Variants in DENND3 observed in about 807,000 individuals in gnomAD.
The protein encoded by DENND3 is DENN domain containing 3.
A neutral mutation model predicts 135.1 loss-of-function variants in DENND3; 88 were observed. The ratio of observed to expected loss-of-function variants is 0.65; its 90% CI spans 0.55 to 0.78. The LOEUF (loss-of-function observed/expected upper bound fraction) is 0.78. Among genes scored for constraint, DENND3 ranks in the 30% least tolerant of loss-of-function variants. The pLI, the probability that DENND3 is intolerant of heterozygous loss-of-function variation, is 0.00. For missense variants in DENND3, 1,392 were observed against 1,688.4 expected, an observed-to-expected ratio of 0.82 and a Z score of 3.08; for synonymous variants, 693 against 712.3, an observed-to-expected ratio of 0.97 and a Z score of 0.43.
Position 141,167,854 on chromosome 8 carries a change from G to C in DENND3, c.1754-150G>C. ...TTCTCTCATGCCTCCCAGGGGGGTG[G>C]GTGTGTGGAGCTTTCTGGAGGGAGC... On this transcript the variant is annotated intron_variant, in intron 12 of 22. Transcript: ENST00000519811. This position sits in a 1 kb window ranked among gnomAD's most constrained non-coding sequence, Gnocchi z 4.1. 1 of 1,086,742 alleles carries C rather than the reference G, an allele frequency of 9.2e-7. No individual in the cohort carries two copies. The highest frequency in any genetic ancestry group is 1.3e-6 in the Non-Finnish European group (1 of 763,442). 67.3% of individuals were successfully genotyped at this position (1,086,742 alleles called of 1,614,324 possible). A position where few individuals can be genotyped will look rare whatever the true frequency, so the allele number is the denominator to read the frequency against.
Position 141,182,192 on chromosome 8 carries a change from C to T in DENND3, c.2944+1338C>T. ...GATGCAGATGTAGGTGTCACCCCCT[C>T]TCACAGGCCATGTCCGCGGCTTCAC... is the stretch of plus-strand genomic sequence containing the variant. On this transcript the variant is annotated intron_variant, in intron 17 of 22. Coordinates refer to ENST00000519811, the MANE Select transcript of DENND3 (RefSeq NM_001352890.3). The surrounding 1 kb of genome is among the most constrained non-coding windows in gnomAD (Gnocchi z 5.9). 5 of 496,556 alleles carry T rather than the reference C, an allele frequency of 1.0e-5. No homozygotes were observed. Among genetic ancestry groups the T allele is most frequent in the Non-Finnish European group, 1.3e-5 (5 of 383,444 alleles). The allele number at this position is 496,556 out of a possible 1,614,324, so 30.8% of individuals were successfully genotyped here.
At chr8:141,185,550 T>G (rs921644609) in intron 18 of DENND3, 2 of 363,648 alleles carry the variant, frequency 5.5e-6, no homozygotes, top group Non-Finnish European at 1.0e-5. Flanking sequence ...AAAAATAGAT[T>G]GCAGGGGCTC....
chr8:141,147,145 G>A (rs1303568864), intron 5 of DENND3, among the ~76,000 whole-genome samples: 2 of 152,100 alleles, frequency 1.3e-5, no homozygotes, highest in African/African-American at 4.8e-5. Context: ...ACTCAGCCTC[G>A]CCGGACTACC....
Position 141,168,182 on chromosome 8 carries a change from G to A in DENND3, c.1932G>A (p.Gly644=), listed in dbSNP as rs927711282. ...LLLARYLYLR[G]LVYLMQGQLL... is the part of the protein sequence containing the mutation. ...TGGCCCGCTATTTGTACCTCCGAGG[G>A]CTCGTTTATCTGATGCAGGGACAGC... Residue 644 remains glycine, a synonymous_variant, in exon 13 of 23, where the codon GGG becomes GGA. Coordinates refer to ENST00000519811, the MANE Select transcript of DENND3 (RefSeq NM_001352890.3). This position sits in a 1 kb window ranked among gnomAD's most constrained non-coding sequence, Gnocchi z 6.2. The A allele has an allele frequency of 1.9e-6, 3 of 1,614,158 alleles. No individual in the cohort carries two copies. In the Admixed American group the frequency reaches 5.0e-5, roughly 27 times the overall value.
chr8:141,188,008 G>A (rs960159123), intron 18 of DENND3, among the ~76,000 whole-genome samples: 6 of 140,788 alleles, frequency 4.3e-5, no homozygotes, highest in African/African-American at 1.6e-4. Flanking sequence ...GCAACGTGGG[G>A]AAACCCTATC....
intron 1 of DENND3, among the ~76,000 whole-genome samples, chr8:141,135,476 A>G (rs1327836629): frequency 6.6e-6 from 1 of 152,132 alleles, no homozygotes; most frequent in African/African-American, 2.4e-5. Context: ...AGGGTCCCTT[A>G]AAGACCCTTG....
chr8:141,189,382 T>A (rs1569557078), intron 19 of DENND3, among the ~76,000 whole-genome samples: 1 of 152,254 alleles, frequency 6.6e-6, no homozygotes, highest in Non-Finnish European at 1.5e-5. Context: ...ACACCCGGCC[T>A]TCCTGCTGAG....
Position 141,137,137 on chromosome 8 carries a change from G to A in DENND3, c.385+346G>A, listed in dbSNP as rs1816877652. ...TGGGATTACAGGTGCCAACCACCAC[G>A]CCTGGCTAACTTTTGTGTCTTTAGT... On this transcript the variant is annotated intron_variant, in intron 2 of 22. Transcript: ENST00000519811. The surrounding 1 kb of genome is among the most constrained non-coding windows in gnomAD (Gnocchi z 4.1). Among the ~76,000 whole-genome samples the A allele has an allele frequency of 1.3e-5, 2 of 152,008 alleles. No individual in the cohort carries two copies. Among genetic ancestry groups the A allele is most frequent in the Non-Finnish European group, 2.9e-5 (2 of 68,030 alleles).
chr8:141,193,950 C>G, intron 22 of DENND3, 83 bp from the exon 23 acceptor site: 3 of 1,467,476 alleles, frequency 2.0e-6, no homozygotes, highest in Non-Finnish European at 2.8e-6. Context: ...GCACACGCGT[C>G]AATTCTGGGT....
intron 16 of DENND3, among the ~76,000 whole-genome samples, chr8:141,178,554 C>T (rs1278210111): frequency 2.0e-5 from 3 of 152,226 alleles, no homozygotes; most frequent in Admixed American, 1.3e-4. Context: ...GGAGCGGCTC[C>T]TGGAATCTCT....
chr8:141,190,157 T>C (rs1824525279), intron 19 of DENND3, 127 bp from the exon 20 acceptor site: 6 of 1,257,222 alleles, frequency 4.8e-6, no homozygotes, highest in Non-Finnish European at 6.3e-6. Context: ...GTTATTATCA[T>C]GTTTGCAGGT....
chr8:141,185,409 G>A, intron 18 of DENND3, 131 bp downstream of exon 18: 3 of 1,226,244 alleles, frequency 2.4e-6, no homozygotes, highest in Non-Finnish European at 3.3e-6. Flanking sequence ...TAAACAGGGG[G>A]TCTTAACTTT....
At chr8:141,170,463 C>T (rs970119245) in intron 13 of DENND3, among the ~76,000 whole-genome samples, 8 of 152,178 alleles carry the variant, frequency 5.3e-5, no homozygotes, top group African/African-American at 1.4e-4. Flanking sequence ...CCTCTCCCTG[C>T]GTGGTGAAGC....
At position 141,192,518 on chromosome 8, in the gene DENND3, C is replaced by A. The variant is rs767015027; in HGVS notation, c.3499-8C>A. ...GGCCCATAGCCCACACCGTGCCCTG[C>A]GTTTCAGGAGGAGCAGCTGTGGGCG... On this transcript the variant is annotated splice_region_variant and splice_polypyrimidine_tract_variant and intron_variant, in intron 21 of 22. Coordinates refer to ENST00000519811, the MANE Select transcript of DENND3 (RefSeq NM_001352890.3). The A allele has an allele frequency of 6.2e-7, 1 of 1,600,444 alleles. No homozygotes were observed. The highest frequency in any genetic ancestry group is 8.5e-7 in the Non-Finnish European group (1 of 1,172,142).
In DENND3 at chr8:141,130,769, C is replaced by G. The variant is rs184038995; in HGVS notation, c.102+1960C>G. Among the ~76,000 whole-genome samples, 1 of 151,386 alleles carries G rather than the reference C, an allele frequency of 6.6e-6. No individual in the cohort carries two copies. The highest frequency in any genetic ancestry group is 1.5e-5 in the Non-Finnish European group (1 of 67,950). ...TGGTGCAATCTCGGCTCACTGCAAT[C>G]TCCGCCTCCTGAGTTCAAGCAATTC... is the stretch of plus-strand genomic sequence containing the variant. On this transcript the variant is annotated intron_variant, in intron 1 of 22. Transcript: ENST00000519811. The surrounding 1 kb of genome is among the most constrained non-coding windows in gnomAD (Gnocchi z 4.2).
In DENND3 at chr8:141,189,040, G is replaced by A. The variant is rs768794595; in HGVS notation, c.3139G>A (p.Val1047Ile). Reference protein sequence around the residue: ...NQVWVGSEDSVIYIINVHSMS... With the variant: ...NQVWVGSEDSIIYIINVHSMS... ...GGTGTGGGTTGGCTCGGAAGACTCC[G>A]TCATCTACATCATCAACGTCCACAG... Residue 1047 changes from valine to isoleucine, a missense_variant, in exon 19 of 23, where the codon GTC becomes ATC. Physicochemically the swap from Val to Ile is conservative, Grantham distance 29 (BLOSUM62 3). Transcript: ENST00000519811. The A allele has an allele frequency of 6.2e-6, 10 of 1,614,040 alleles. No homozygotes were observed. The highest frequency in any genetic ancestry group is 3.3e-5 in the South Asian group (3 of 91,076).
intron 3 of DENND3, among the ~76,000 whole-genome samples, chr8:141,140,714 T>G (rs1264161548): frequency 6.6e-6 from 1 of 152,212 alleles, no homozygotes; most frequent in African/African-American, 2.4e-5. Context: ...CTAACAACAC[T>G]TCCCCAGTTG....
chr8:141,182,576 T>G lies in DENND3; in HGVS notation c.2944+1722T>G. 1.2e-6 allele frequency: 1 copy of G among 815,942 alleles called. No individual in the cohort carries two copies. The allele number at this position is 815,942 out of a possible 1,614,324, so 50.5% of individuals were successfully genotyped here. A position where few individuals can be genotyped will look rare whatever the true frequency, so the allele number is the denominator to read the frequency against. ...GGCGAGGAGTTCAGGCGGCTTCCCCTCCAGGAGCATCTCGAAGGCCTGCAG... is the reference window on the plus strand; with the variant it reads ...GGCGAGGAGTTCAGGCGGCTTCCCCGCCAGGAGCATCTCGAAGGCCTGCAG... On this transcript the variant is annotated intron_variant, in intron 17 of 22. Coordinates refer to ENST00000519811, the MANE Select transcript of DENND3 (RefSeq NM_001352890.3). The surrounding 1 kb of genome is among the most constrained non-coding windows in gnomAD (Gnocchi z 5.9).
chr8:141,159,677 G>T (rs1347547575), intron 8 of DENND3, among the ~76,000 whole-genome samples: 1 of 152,244 alleles, frequency 6.6e-6, no homozygotes, highest in African/African-American at 2.4e-5. Flanking sequence ...AGGTGCTCAA[G>T]AAATATGTGT....
Sources: allele counts gnomAD v4.1 joint callset (sites outside exome capture counted in the v4.1 genomes callset), GRCh38; gene constraint gnomAD v4.1.1; non-coding constraint Gnocchi (gnomAD v3.1); transcripts MANE v1.5; gene names NCBI Gene and HGNC (gene_info 2026-07-23, HGNC 2026-07-21).